The following ARHGAP19 variants were observed in gnomAD, a reference collection of about 807,000 sequenced individuals.
ARHGAP19 encodes Rho GTPase activating protein 19.
ARHGAP19 carries 48 observed loss-of-function variants against 60.9 expected under a neutral mutation model. That is an observed-to-expected ratio of 0.79 (90% CI 0.62 to 1.00). The LOEUF (loss-of-function observed/expected upper bound fraction) is 1.00. ARHGAP19 is among the 50% of genes least tolerant of loss of function. ARHGAP19 has a pLI of 0.00. For missense variants in ARHGAP19, 562 were observed against 597.2 expected (o/e 0.94, Z 0.61); for synonymous variants, 209 against 215.5 (o/e 0.97, Z 0.27).
intron 11 of ARHGAP19, among the ~76,000 whole-genome samples, chr10:97,227,613 C>T (rs1850921888): frequency 6.6e-6 from 1 of 152,090 alleles, no homozygotes; most frequent in African/African-American, 2.4e-5. Flanking sequence ...AGGAAGTGAC[C>T]AGGAGAGAGT....
intron 4 of ARHGAP19, among the ~76,000 whole-genome samples, chr10:97,261,768 G>A (rs1490166607): frequency 6.6e-6 from 1 of 152,142 alleles, no homozygotes; most frequent in South Asian, 2.1e-4. Context: ...AAAATACTCA[G>A]GGGCAGGAAA....
intron 1 of ARHGAP19, among the ~76,000 whole-genome samples, chr10:97,279,650 A>T (rs2134916616): frequency 6.6e-6 from 1 of 152,052 alleles, no homozygotes; most frequent in South Asian, 2.1e-4. Context: ...GCACAGCCAC[A>T]CCTGGCTAAT....
At chr10:97,227,526 G>A (rs1850920146) in intron 11 of ARHGAP19, among the ~76,000 whole-genome samples, 1 of 152,108 alleles carries the variant, frequency 6.6e-6, no homozygotes, top group African/African-American at 2.4e-5. Flanking sequence ...AGCCACTGCA[G>A]ATAAGGAAAA....
At chr10:97,268,441 A>G (rs547008378) in intron 1 of ARHGAP19, among the ~76,000 whole-genome samples, 1 of 152,322 alleles carries the variant, frequency 6.6e-6, no homozygotes, top group African/African-American at 2.4e-5. Flanking sequence ...AGTAGTACCC[A>G]ACTCTACTGG....
chr10:97,229,293 C>T lies in ARHGAP19; in HGVS notation c.1396-68G>A. Reference sequence around the variant, plus strand: ...CATTCCTATAGACAGACTTTACTAACAAATGAATTATTTGTTCAATTTCAA... The same window carrying T: ...CATTCCTATAGACAGACTTTACTAATAAATGAATTATTTGTTCAATTTCAA... On this transcript the variant is annotated intron_variant, in intron 10 of 11. Coordinates refer to ENST00000358531, the MANE Select transcript of ARHGAP19 (RefSeq NM_032900.6). 5.6e-6 allele frequency: 7 copies of T among 1,254,688 alleles called. No homozygotes were observed. The South Asian group carries it at 6.1e-5, about 11-fold the overall frequency. 77.7% of individuals were successfully genotyped at this position (1,254,688 alleles called of 1,614,324 possible).
chr10:97,239,374 T>C (rs1345083250), intron 8 of ARHGAP19, among the ~76,000 whole-genome samples: 1 of 151,972 alleles, frequency 6.6e-6, no homozygotes, highest in Non-Finnish European at 1.5e-5. Flanking sequence ...CACGCGCCTG[T>C]AGTCCCAGCT....
At chr10:97,263,937 A>C (rs371998605) in intron 3 of ARHGAP19, among the ~76,000 whole-genome samples, 10 of 152,170 alleles carry the variant, frequency 6.6e-5, no homozygotes, top group African/African-American at 2.2e-4. Flanking sequence ...TAGCTTGAAA[A>C]ATAAACTTTA....
At chr10:97,239,703 A>G (rs2134829563) in intron 8 of ARHGAP19, among the ~76,000 whole-genome samples, 1 of 150,990 alleles carries the variant, frequency 6.6e-6, no homozygotes, top group African/African-American at 2.4e-5. Flanking sequence ...TAATGTACCA[A>G]TTTTTTGTTT....
chr10:97,260,123 C>T (rs192911121), intron 4 of ARHGAP19, among the ~76,000 whole-genome samples: 6 of 151,550 alleles, frequency 4.0e-5, no homozygotes, highest in Middle Eastern at 3.4e-3. Context: ...GCGTGAGCCA[C>T]AACACCCGGC....
At chr10:97,244,322 T>C (rs537617460) in intron 7 of ARHGAP19, among the ~76,000 whole-genome samples, 163 bp from the exon 8 acceptor site, 2 of 152,274 alleles carry the variant, frequency 1.3e-5, no homozygotes, top group East Asian at 3.9e-4. Flanking sequence ...ACAAGGAACC[T>C]ATTAATATAG....
At position 97,256,353 on chromosome 10, in the gene ARHGAP19, C is replaced by G; in HGVS notation, c.892G>C (p.Ala298Pro). 6.2e-7 allele frequency: 1 copy of G among 1,614,128 alleles called. No individual in the cohort carries two copies. Among genetic ancestry groups the G allele is most frequent in the South Asian group, 1.1e-5 (1 of 91,082 alleles). The change falls in exon 6 of 12, where the codon GCT becomes CCT. Residue 298 changes from alanine to proline, a missense_variant. By Grantham distance (27) the Ala-to-Pro change is conservative (BLOSUM62 -1). Transcript: ENST00000358531. ...TTCTGGGAGTGTTTAATCATAAAAGCCATCCCACTGTTTAACTTTGTGATA... is the reference window on the plus strand; with the variant it reads ...TTCTGGGAGTGTTTAATCATAAAAGGCATCCCACTGTTTAACTTTGTGATA... ...ENITKLNSGM[A>P]FMIKHSQKLF...
chr10:97,274,634 T>C (rs963188405), intron 1 of ARHGAP19, among the ~76,000 whole-genome samples: 12 of 152,310 alleles, frequency 7.9e-5, no homozygotes, highest in African/African-American at 1.4e-4. Context: ...GTATGTATAA[T>C]TGACGTTTCA....
intron 1 of ARHGAP19, among the ~76,000 whole-genome samples, chr10:97,266,797 T>A (rs1420810486): frequency 6.6e-6 from 1 of 152,116 alleles, no homozygotes; most frequent in Non-Finnish European, 1.5e-5. Flanking sequence ...TCAGATCTCA[T>A]GAGACTTATT....
intron 9 of ARHGAP19, among the ~76,000 whole-genome samples, chr10:97,234,819 C>T (rs530604630): frequency 4.6e-4 from 70 of 152,274 alleles, no homozygotes; most frequent in Middle Eastern, 6.8e-3. Flanking sequence ...TTGGAAAATC[C>T]AGTTTTCTAA....
At chr10:97,242,036 ATAAT>A (rs1274147606) in intron 8 of ARHGAP19, among the ~76,000 whole-genome samples, 69 of 148,870 alleles carry the variant, frequency 4.6e-4, no homozygotes, top group Non-Finnish European at 3.1e-4. Context: ...AATAATAATA[ATAAT>A]TAATAAATAA....
chr10:97,229,532 G>A (rs1850964375), intron 10 of ARHGAP19, among the ~76,000 whole-genome samples: 1 of 151,800 alleles, frequency 6.6e-6, no homozygotes, highest in South Asian at 2.1e-4. Flanking sequence ...CTACTGTACT[G>A]TACTACTCAT....
rs184223812 is a variant in ARHGAP19 at position 97,273,210 on chromosome 10, C to T, written c.57-7085G>A. ...TGAAGTCTTGCTCTGTTTTCCAGGC[C>T]GGAGTGCAATGGCACAGTCTTGGCT... On this transcript the variant is annotated intron_variant, in intron 1 of 11. Coordinates refer to ENST00000358531, the MANE Select transcript of ARHGAP19 (RefSeq NM_032900.6). Among the ~76,000 whole-genome samples the T allele has an allele frequency of 6.6e-5, 10 of 151,486 alleles. No individual in the cohort carries two copies. The East Asian group carries it at 7.8e-4, about 12-fold the overall frequency.
At chr10:97,287,523 C>T (rs1278291523) in intron 1 of ARHGAP19, among the ~76,000 whole-genome samples, 2 of 152,108 alleles carry the variant, frequency 1.3e-5, no homozygotes, top group South Asian at 4.1e-4. Context: ...AAGAGGAATG[C>T]TTGAGCCCAG....
intron 1 of ARHGAP19, among the ~76,000 whole-genome samples, chr10:97,286,502 G>A (rs770376824): frequency 3.3e-4 from 50 of 152,212 alleles, no homozygotes; most frequent in Non-Finnish European, 6.6e-4. Flanking sequence ...TAAGGCAGGA[G>A]AATTGTTTAA....
Sources: allele counts gnomAD v4.1 joint callset (sites outside exome capture counted in the v4.1 genomes callset), GRCh38; gene constraint gnomAD v4.1.1; transcripts MANE v1.5; gene names NCBI Gene and HGNC (gene_info 2026-07-23, HGNC 2026-07-21).